Variants in PCDHGA1 observed in about 807,000 individuals in gnomAD.
PCDHGA1 encodes the protein protocadherin gamma subfamily A, 1.
In PCDHGA1, 32 loss-of-function variants were observed where a neutral mutation model predicts 58.0. The observed-to-expected ratio is 0.55, with a 90% CI of 0.42 to 0.74. PCDHGA1 has a LOEUF of 0.74. Among genes scored for constraint, PCDHGA1 ranks in the 30% least tolerant of loss-of-function variants. The pLI is 0.00. For missense variants in PCDHGA1, 1,205 were observed against 1,182.3 expected, an observed-to-expected ratio of 1.02 and a Z score of -0.28; for synonymous variants, 498 against 501.1, an observed-to-expected ratio of 0.99 and a Z score of 0.08.
rs752392369 is a variant in PCDHGA1 at position 141,422,109 on chromosome 5, A to G, written c.2422-72698A>G. ...AAAGCAAGGCTTCTGAAATATTCCA[A>G]TTGGATTCACAAACTGGAGAAGTTC... On this transcript the variant is annotated intron_variant, in intron 1 of 3. Coordinates refer to ENST00000517417, the MANE Select transcript of PCDHGA1 (RefSeq NM_018912.3). 6 of 1,606,850 alleles carry G rather than the reference A, an allele frequency of 3.7e-6. No homozygotes were observed. The African/African-American group carries it at 4.0e-5, about 11-fold the overall frequency.
intron 1 of PCDHGA1, among the ~76,000 whole-genome samples, chr5:141,453,121 G>A (rs62379169): frequency 4.7e-4 from 71 of 151,818 alleles, no homozygotes; most frequent in Non-Finnish European, 8.4e-4. Flanking sequence ...GTTTTGTTTT[G>A]TTTTGTTTTT....
chr5:141,355,903 A>G (rs1174230153), intron 1 of PCDHGA1: 1 of 1,613,604 alleles, frequency 6.2e-7, no homozygotes, highest in African/African-American at 1.3e-5. Flanking sequence ...ACTTGTGGAT[A>G]CCAACGATAA....
At chr5:141,478,044 C>G in intron 1 of PCDHGA1, 1 of 1,614,184 alleles carries the variant, frequency 6.2e-7, no homozygotes. Flanking sequence ...CCCAGGCAGA[C>G]TCTCACGGTC....
At chr5:141,410,445 T>A in intron 1 of PCDHGA1, 1 of 1,614,060 alleles carries the variant, frequency 6.2e-7, no homozygotes. Flanking sequence ...GAGGGGACTT[T>A]GCCTTATTCT....
intron 1 of PCDHGA1, chr5:141,414,738 C>A: frequency 6.2e-7 from 1 of 1,614,238 alleles, no homozygotes; most frequent in Non-Finnish European, 8.5e-7. Context: ...TGTATGCACT[C>A]AGATCCTTCG....
At chr5:141,372,656 G>A in intron 1 of PCDHGA1, 1 of 1,613,956 alleles carries the variant, frequency 6.2e-7, no homozygotes, top group Non-Finnish European at 8.5e-7. Flanking sequence ...CCTACAATCC[G>A]TGTGCTGCCT....
At position 141,409,100 on chromosome 5, in the gene PCDHGA1, A is replaced by G. The variant is rs1341878280; in HGVS notation, c.2421+75995A>G. ...GTTCTCATTGGATGAGAAAACAGGT[A>G]TGATTAAGAATAACCAGTCATTTGA... is the stretch of plus-strand genomic sequence containing the variant. On this transcript the variant is annotated intron_variant, in intron 1 of 3. Transcript: ENST00000517417. The G allele has an allele frequency of 6.8e-6, 11 of 1,613,934 alleles. No homozygotes were observed. In the Admixed American group the frequency reaches 1.0e-4, roughly 15 times the overall value.
Position 141,333,121 on chromosome 5 carries a change from G to C in PCDHGA1, c.2421+16G>C. On this transcript the variant is annotated intron_variant, in intron 1 of 3. Transcript: ENST00000517417. ...ATTTTCTCAGGTAAACTTTTGTGATGAATGTATCAGCTATCTAGAGAAAAA... is the reference window on the plus strand; with the variant it reads ...ATTTTCTCAGGTAAACTTTTGTGATCAATGTATCAGCTATCTAGAGAAAAA... The C allele has an allele frequency of 6.2e-7, 1 of 1,614,162 alleles. No individual in the cohort carries two copies. Among genetic ancestry groups the C allele is most frequent in the Non-Finnish European group, 8.5e-7 (1 of 1,180,020 alleles).
intron 1 of PCDHGA1, chr5:141,422,218 A>T: frequency 1.3e-6 from 2 of 1,564,130 alleles, no homozygotes; most frequent in Non-Finnish European, 8.6e-7. Flanking sequence ...TCTCTTTACC[A>T]CCACGACGAT....
At chr5:141,398,555 G>A in intron 1 of PCDHGA1, 1 of 1,613,934 alleles carries the variant, frequency 6.2e-7, no homozygotes, top group Non-Finnish European at 8.5e-7. Context: ...CTGCAAATAA[G>A]TGAGTCTGCA....
intron 1 of PCDHGA1, chr5:141,377,681 T>C (rs1458996309): frequency 6.6e-6 from 1 of 152,182 alleles, no homozygotes; most frequent in Non-Finnish European, 1.5e-5. Flanking sequence ...ACAAGAGATC[T>C]TTCACCTTTA....
At chr5:141,434,119 C>T (rs2097673106) in intron 1 of PCDHGA1, among the ~76,000 whole-genome samples, 1 of 152,180 alleles carries the variant, frequency 6.6e-6, no homozygotes, top group Non-Finnish European at 1.5e-5. Flanking sequence ...GCCTTTGGGA[C>T]TCCCTTTAGG....
chr5:141,419,943 C>G (rs2096450865), intron 1 of PCDHGA1: 4 of 1,614,070 alleles, frequency 2.5e-6, no homozygotes, highest in Non-Finnish European at 3.4e-6. Flanking sequence ...CTGGTGGTGG[C>G]CTTGGCCTTG....
intron 1 of PCDHGA1, chr5:141,390,362 G>A: frequency 6.5e-7 from 1 of 1,533,010 alleles, no homozygotes. Flanking sequence ...ATATTTGCAG[G>A]AAAATATATA....
Position 141,490,749 on chromosome 5 carries a change from C to T in PCDHGA1, c.2422-4058C>T, listed in dbSNP as rs777124697. 3.1e-6 allele frequency: 5 copies of T among 1,614,098 alleles called. No individual in the cohort carries two copies. The South Asian group carries it at 5.5e-5, about 18-fold the overall frequency. ...GAAATCAGGTTCAGGGAGCCCCAGC[C>T]TCCTCCTTTGTGTATGTCAACCCAG... On this transcript the variant is annotated intron_variant, in intron 1 of 3. Coordinates refer to ENST00000517417, the MANE Select transcript of PCDHGA1 (RefSeq NM_018912.3). The surrounding 1 kb of genome is among the most constrained non-coding windows in gnomAD (Gnocchi z 5.4).
At chr5:141,341,242 C>A (rs1422024298) in intron 1 of PCDHGA1, 4 of 1,614,250 alleles carry the variant, frequency 2.5e-6, no homozygotes, top group Non-Finnish European at 3.4e-6. Flanking sequence ...CCCACGAGGT[C>A]TCCCTCACTG....
Position 141,331,279 on chromosome 5 carries a change from C to A in PCDHGA1, c.595C>A (p.Pro199Thr), listed in dbSNP as rs778276261. Residue 199 changes from proline to threonine, a missense_variant, in exon 1 of 4, where the codon CCC becomes ACC. Transcript: ENST00000517417. The part of the protein sequence containing the change: ...PQHPEMVLQS[P>T]LDREEEAVHH... ...ACATCCAGAGATGGTGCTGCAGAGT[C>A]CCTTAGACAGAGAAGAAGAAGCTGT... 7.4e-6 allele frequency: 12 copies of A among 1,614,006 alleles called. No individual in the cohort carries two copies. Among genetic ancestry groups the A allele is most frequent in the Non-Finnish European group, 1.0e-5 (12 of 1,180,048 alleles).
intron 1 of PCDHGA1, chr5:141,390,071 CTG>C: frequency 1.2e-6 from 2 of 1,614,084 alleles, no homozygotes; most frequent in Middle Eastern, 1.6e-4. Context: ...AGCCTGGTCT[CTG>C]TGTTAAATCC....
rs1405589878 is a variant in PCDHGA1 at position 141,504,323 on chromosome 5, T to A, written c.2481-1070T>A. On this transcript the variant is annotated intron_variant, in intron 2 of 3. Transcript: ENST00000517417. ...CACTCGGAGTTTCTAAAAGTCTCAC[T>A]TAGGTCCAAGTGCTAGGCTTTGTGC... Among the ~76,000 whole-genome samples, 4 of 152,114 alleles carry A rather than the reference T, an allele frequency of 2.6e-5. No individual in the cohort carries two copies. In the East Asian group the frequency reaches 7.7e-4, roughly 29 times the overall value.
Sources: allele counts gnomAD v4.1 joint callset (sites outside exome capture counted in the v4.1 genomes callset), GRCh38; gene constraint gnomAD v4.1.1; non-coding constraint Gnocchi (gnomAD v3.1); transcripts MANE v1.5; gene names NCBI Gene and HGNC (gene_info 2026-07-23, HGNC 2026-07-21).